SETD2: variants seen among roughly 807,000 people sequenced by gnomAD.
The protein encoded by SETD2 is histone-lysine N-methyltransferase SETD2.
A neutral mutation model predicts 242.1 loss-of-function variants in SETD2; 31 were observed. The ratio of observed to expected loss-of-function variants is 0.13; its 90% CI spans 0.10 to 0.17. The LOEUF (loss-of-function observed/expected upper bound fraction) is 0.17, where lower values mean the gene tolerates loss of function less well. Among genes scored for constraint, SETD2 ranks in the 10% least tolerant of loss-of-function variants. The probability of loss-of-function intolerance (pLI) is 1.00; values close to 1 mark genes in which losing one functional copy is unlikely to be tolerated. For missense variants in SETD2, 2,481 were observed against 3,046.3 expected (o/e 0.81, Z 4.37); for synonymous variants, 1,006 against 1,066.5 (o/e 0.94, Z 1.11).
In SETD2 at chr3:47,164,088, C is replaced by G. The variant is rs921365456; in HGVS notation, c.-164G>C. ...TACCTCGCTCGTCGCTCCCTCCCTC[C>G]CTCGGACGCCCGCCAGCCGCTCTCT... On this transcript the variant is annotated 5_prime_UTR_variant, in exon 1 of 21. Coordinates refer to ENST00000409792, the MANE Select transcript of SETD2 (RefSeq NM_014159.7). The surrounding 1 kb of genome is among the most constrained non-coding windows in gnomAD (Gnocchi z 5.4). The G allele has an allele frequency of 8.7e-7, 1 of 1,145,880 alleles. No individual in the cohort carries two copies. 71.0% of individuals were successfully genotyped at this position (1,145,880 alleles called of 1,614,324 possible).
intron 12 of SETD2, among the ~76,000 whole-genome samples, chr3:47,078,519 CTTTTTTTTTTTTTTT>C (rs71098448): frequency 1.5e-4 from 11 of 71,280 alleles, no homozygotes; most frequent in Non-Finnish European, 2.0e-4. Flanking sequence ...GATTCTCAGC[CTTTTTTTTTTTTTTT>C]TTTTTTTTTT....
At chr3:47,024,165 C>A (rs1221615953) in intron 18 of SETD2, among the ~76,000 whole-genome samples, 3 of 152,108 alleles carry the variant, frequency 2.0e-5, no homozygotes, top group Admixed American at 1.3e-4. Context: ...AAAAGCAAAA[C>A]CCCATCTCTA....
intron 14 of SETD2, among the ~76,000 whole-genome samples, chr3:47,059,208 C>A (rs2040226044): frequency 6.6e-6 from 1 of 151,104 alleles, no homozygotes; most frequent in African/African-American, 2.4e-5. Flanking sequence ...CCTCCACCTC[C>A]CGGGTTCAAG....
chr3:47,103,453 A>C (rs1471831924), intron 6 of SETD2, 30 bp from the exon 7 acceptor site: 6 of 1,402,046 alleles, frequency 4.3e-6, no homozygotes, highest in Middle Eastern at 1.8e-4. Flanking sequence ...TAAGAATTAA[A>C]AAATAATACC....
intron 1 of SETD2, among the ~76,000 whole-genome samples, chr3:47,135,521 T>C (rs2043571319): frequency 6.6e-6 from 1 of 152,164 alleles, no homozygotes; most frequent in Non-Finnish European, 1.5e-5. Flanking sequence ...AAACAATCTG[T>C]CCGCCTTGGC....
intron 15 of SETD2, among the ~76,000 whole-genome samples, chr3:47,054,848 C>T (rs2039987194): frequency 2.0e-5 from 3 of 152,102 alleles, no homozygotes; most frequent in Middle Eastern, 3.4e-3. Flanking sequence ...GTATTATACC[C>T]ATTAAAACAT....
chr3:47,022,902 AG>A (rs2038295350), intron 18 of SETD2, among the ~76,000 whole-genome samples: 1 of 152,220 alleles, frequency 6.6e-6, no homozygotes, highest in Admixed American at 6.5e-5. Flanking sequence ...AATGGCCTTA[AG>A]CTTATTGGGC....
chr3:47,122,357 A>G lies in SETD2; in HGVS notation c.2279T>C (p.Leu760Pro), dbSNP rs115476851. 6.2e-6 allele frequency: 10 copies of G among 1,614,008 alleles called. No homozygotes were observed. In the East Asian group the frequency reaches 2.0e-4, roughly 32 times the overall value. The stretch of plus-strand genomic sequence containing the variant: ...CACAGTCATAACTGGCATAGACATG[A>G]GTTTATCTTGGTGTGGTGACACCAG... ...EPLVSPHQDKLMSMPVMTVDY... is the reference protein window; with the variant it reads ...EPLVSPHQDKPMSMPVMTVDY... The change falls in exon 3 of 21, where the codon CTC (leucine) becomes CCC (proline). Residue 760 changes from leucine (L) to proline (P), a missense_variant. Around this residue, in one of 17 missense-constraint regions of SETD2, gnomAD observed 1,300 missense variants for 1,259.2 expected, o/e 1.03. Transcript: ENST00000409792.
chr3:47,123,285 T>C lies in SETD2; in HGVS notation c.1351A>G (p.Thr451Ala), dbSNP rs1042247978. The C allele has an allele frequency of 1.9e-6, 3 of 1,552,082 alleles. No homozygotes were observed. The highest frequency in any genetic ancestry group is 2.6e-6 in the Non-Finnish European group (3 of 1,147,086). The change falls in exon 3 of 21, where the codon ACA becomes GCA. Residue 451 changes from threonine to alanine, a missense_variant. By Grantham distance (58) the Thr-to-Ala change is moderately conservative (BLOSUM62 0). This residue lies in a region of SETD2 where 1,300 missense variants were observed against 1,259.2 expected (regional missense o/e 1.03). Transcript: ENST00000409792. ...GAACTCTCTCGTGCTCTGTTATCTG[T>C]GTATGGCCGAGAATAGCGCGTCCTC... is the stretch of plus-strand genomic sequence containing the variant. The part of the protein sequence containing the change: ...RERTRYSRPY[T>A]DNRARESSDS...
At chr3:47,117,458 G>T (rs2042908521) in intron 3 of SETD2, among the ~76,000 whole-genome samples, 3 of 152,070 alleles carry the variant, frequency 2.0e-5, no homozygotes, top group African/African-American at 4.8e-5. Context: ...GGAAAAATAG[G>T]AAAACTCATG....
intron 5 of SETD2, among the ~76,000 whole-genome samples, chr3:47,110,184 A>G (rs2042595740): frequency 6.6e-6 from 1 of 152,232 alleles, no homozygotes; most frequent in African/African-American, 2.4e-5. Flanking sequence ...CACATATTGT[A>G]TAATTTCATT....
At chr3:47,117,812 G>A (rs2042924677) in intron 3 of SETD2, among the ~76,000 whole-genome samples, 2 of 152,172 alleles carry the variant, frequency 1.3e-5, no homozygotes, top group South Asian at 4.1e-4. Flanking sequence ...GCCAGAGTGT[G>A]CAAAGCAAAA....
At chr3:47,130,232 A>G (rs1458173516) in intron 1 of SETD2, among the ~76,000 whole-genome samples, 1 of 152,214 alleles carries the variant, frequency 6.6e-6, no homozygotes, top group Non-Finnish European at 1.5e-5. Flanking sequence ...AGATCCCTAG[A>G]TAATAGACAG....
chr3:47,062,686 C>A (rs985336328), intron 13 of SETD2, among the ~76,000 whole-genome samples: 1 of 152,146 alleles, frequency 6.6e-6, no homozygotes. Context: ...CTTGCCAGTT[C>A]AAAAATGTAA....
intron 12 of SETD2, among the ~76,000 whole-genome samples, chr3:47,070,488 G>A (rs960116507): frequency 2.0e-5 from 3 of 152,168 alleles, no homozygotes; most frequent in Admixed American, 6.5e-5. Context: ...AAATACAACT[G>A]AAGTTTTCCA....
intron 18 of SETD2, among the ~76,000 whole-genome samples, chr3:47,031,188 C>T (rs899224987): frequency 2.0e-5 from 3 of 152,138 alleles, no homozygotes; most frequent in Non-Finnish European, 2.9e-5. Flanking sequence ...ATAGATGACA[C>T]GATACCTTTG....
At chr3:47,115,659 T>A (rs910620914) in intron 4 of SETD2, among the ~76,000 whole-genome samples, 9 of 152,218 alleles carry the variant, frequency 5.9e-5, no homozygotes, top group South Asian at 2.1e-4. Flanking sequence ...GTTAAAAAAA[T>A]TTTTTTGAGA....
At chr3:47,139,044 G>A (rs941325474) in intron 1 of SETD2, among the ~76,000 whole-genome samples, 2 of 152,038 alleles carry the variant, frequency 1.3e-5, no homozygotes, top group Non-Finnish European at 2.9e-5. Context: ...ATAGCTCATT[G>A]CAGCCTCGAA....
intron 6 of SETD2, among the ~76,000 whole-genome samples, chr3:47,105,374 C>T (rs1187086181): frequency 2.8e-5 from 4 of 144,474 alleles, no homozygotes; most frequent in African/African-American, 1.0e-4. Context: ...GGCACCACTG[C>T]ACTCCAGCCC....
Sources: allele counts gnomAD v4.1 joint callset (sites outside exome capture counted in the v4.1 genomes callset), GRCh38; gene constraint gnomAD v4.1.1; regional missense constraint gnomAD v4.1.1; non-coding constraint Gnocchi (gnomAD v3.1); transcripts MANE v1.5; gene names NCBI Gene and HGNC (gene_info 2026-07-23, HGNC 2026-07-21).